The following ASMTL variants were observed in gnomAD, a reference collection of about 807,000 sequenced individuals.
ASMTL encodes the protein acetylserotonin O-methyltransferase like.
In ASMTL, 57 loss-of-function variants were observed where a neutral mutation model predicts 60.3. That is an observed-to-expected ratio of 0.95 (90% CI 0.76 to 1.18). The LOEUF (loss-of-function observed/expected upper bound fraction) is 1.18. ASMTL is among the 50% of genes most tolerant of loss of function. The pLI is 0.00. For synonymous variants in ASMTL, 419 were observed against 373.0 expected (o/e 1.12, Z -1.42); for missense variants, 981 against 852.6 (o/e 1.15, Z -1.88).
chrX:1,403,646 G>A, intron 12 of ASMTL, 157 bp from the exon 13 acceptor site: 1 of 640,384 alleles, frequency 1.6e-6, no homozygotes, highest in South Asian at 1.8e-5. Context: ...GGAGGGGAGA[G>A]AGACAGAGAC....
intron 1 of ASMTL, among the ~76,000 whole-genome samples, chrX:1,449,995 G>A (rs370469308): frequency 4.6e-4 from 46 of 100,742 alleles, no homozygotes; most frequent in African/African-American, 1.5e-3. Context: ...CGGTAACTAC[G>A]CCCCATCACC....
intron 7 of ASMTL, 135 bp from the exon 8 acceptor site, chrX:1,425,822 G>A (rs1329684441): frequency 2.4e-6 from 2 of 838,342 alleles, no homozygotes; most frequent in African/African-American, 3.4e-5. Flanking sequence ...ACAGAGAACG[G>A]TGGGGATTTA....
At chrX:1,421,166 C>T (rs5949033) in intron 9 of ASMTL, among the ~76,000 whole-genome samples, 143,009 of 151,870 alleles carry the variant, frequency 0.94, 67,722 homozygotes, top group East Asian at 1. Context: ...GGTTTCAGCA[C>T]GTTGGCCAGG....
intron 11 of ASMTL, among the ~76,000 whole-genome samples, chrX:1,417,258 C>A (rs1202372911): frequency 6.0e-5 from 9 of 150,442 alleles, no homozygotes; most frequent in Non-Finnish European, 1.3e-4. Flanking sequence ...ACACACACAC[C>A]TACCAGCACA....
At chrX:1,418,151 T>TCGTC in intron 10 of ASMTL, 35 bp from the exon 11 acceptor site, 1 of 1,562,906 alleles carries the variant, frequency 6.4e-7, no homozygotes, top group Non-Finnish European at 8.7e-7. Context: ...TGTGGCTGGG[T>TCGTC]CGTCTATGGA....
rs771907832 is a variant in ASMTL at position 1,448,871 on chromosome X, C to T, written c.93+3877G>A. 2.8e-4 allele frequency among the ~76,000 whole-genome samples: 42 copies of T among 152,186 alleles called. 1 individual carries two copies. Among genetic ancestry groups the T allele is most frequent in the South Asian group, 1.5e-3 (7 of 4,818 alleles). ...CTTTGACACACACCACCATCTTGGA[C>T]ACACACCGCCATCTTGGACAAGCAT... On this transcript the variant is annotated intron_variant, in intron 1 of 12. Coordinates refer to ENST00000381317, the MANE Select transcript of ASMTL (RefSeq NM_004192.4).
intron 12 of ASMTL, among the ~76,000 whole-genome samples, chrX:1,405,209 GATGA>G (rs1163911019): frequency 6.5e-4 from 80 of 123,888 alleles, no homozygotes; most frequent in Non-Finnish European, 1.3e-3. Context: ...TACGTAGATA[GATGA>G]ATGGATGGAT....
intron 12 of ASMTL, among the ~76,000 whole-genome samples, chrX:1,406,713 G>A (rs1357398463): frequency 6.6e-6 from 1 of 151,580 alleles, no homozygotes; most frequent in African/African-American, 2.4e-5. Flanking sequence ...ATGCATGCAT[G>A]AGATGGATGG....
chrX:1,425,557 GCA>G lies in ASMTL; in HGVS notation c.1026_1027del (p.Ala343CysfsTer14), dbSNP rs2090592849. ...TGTCTTCTCCAGGAGCCCCATGGCA[GCA>G]CAGATGTCCAGAAGCCTCTCCATTC... On this transcript the variant is annotated frameshift_variant, in exon 8 of 13. Transcript: ENST00000381317. LOFTEE classifies it high-confidence loss of function. The G allele has an allele frequency of 1.9e-6, 3 of 1,613,242 alleles. No individual in the cohort carries two copies. The highest frequency in any genetic ancestry group is 1.7e-5 in the Admixed American group (1 of 59,972).
chrX:1,416,508 C>A, intron 11 of ASMTL, among the ~76,000 whole-genome samples: 2 of 150,698 alleles, frequency 1.3e-5, no homozygotes, highest in Admixed American at 1.3e-4. Flanking sequence ...CACACACACA[C>A]GGATGCAGAC....
chrX:1,416,184 C>T (rs1468615511), intron 11 of ASMTL, among the ~76,000 whole-genome samples: 3 of 147,094 alleles, frequency 2.0e-5, no homozygotes, highest in African/African-American at 5.4e-5. Context: ...GCGACAGGCA[C>T]ACACAGACGC....
chrX:1,430,853 T>C (rs1200663771), intron 6 of ASMTL, among the ~76,000 whole-genome samples: 4 of 145,012 alleles, frequency 2.8e-5, no homozygotes, highest in East Asian at 2.0e-4. Flanking sequence ...CATATATTTA[T>C]ATATTTATAT....
At position 1,418,091 on chromosome X, in the gene ASMTL, CTCTCGGGCCAGT is replaced by C; in HGVS notation, c.1392_1403del (p.Leu469_Glu472del). Reference sequence around the variant, plus strand: ...GCATACGAGGGTACTCACGGGCCAGCTCTCGGGCCAGTGCACCCGTGCAGCCTGCGGGGAAGC... The same window carrying C: ...GCATACGAGGGTACTCACGGGCCAGCGCACCCGTGCAGCCTGCGGGGAAGC... On this transcript the variant is annotated inframe_deletion, in exon 11 of 13. Coordinates refer to ENST00000381317, the MANE Select transcript of ASMTL (RefSeq NM_004192.4). 1.2e-6 allele frequency: 2 copies of C among 1,611,048 alleles called. No individual in the cohort carries two copies. The highest frequency in any genetic ancestry group is 1.7e-5 in the Admixed American group (1 of 59,774).
chrX:1,407,049 GATGGATGGATGGATGCATGC>G (rs1569530919), intron 12 of ASMTL, among the ~76,000 whole-genome samples: 2 of 149,194 alleles, frequency 1.3e-5, no homozygotes, highest in Non-Finnish European at 3.0e-5. Flanking sequence ...TAGGTAGATG[GATGGATGGATGGATGCATGC>G]ATGGATGAGA....
intron 8 of ASMTL, among the ~76,000 whole-genome samples, chrX:1,423,816 C>G (rs1212054268): frequency 3.1e-4 from 47 of 150,356 alleles, no homozygotes; most frequent in African/African-American, 9.3e-4. Context: ...ATCCACCCAG[C>G]CATGCACCCA....
chrX:1,423,699 T>G (rs1226137967), intron 8 of ASMTL, among the ~76,000 whole-genome samples: 1 of 145,354 alleles, frequency 6.9e-6, no homozygotes. Context: ...CATCCATCCA[T>G]TCCCCCACCC....
At chrX:1,415,820 G>A (rs1160329054) in intron 11 of ASMTL, among the ~76,000 whole-genome samples, 2 of 152,116 alleles carry the variant, frequency 1.3e-5, no homozygotes, top group Admixed American at 6.6e-5. Context: ...AGAGAGACAC[G>A]CACAGGCAGA....
At chrX:1,419,489 G>A (rs377100251) in intron 9 of ASMTL, among the ~76,000 whole-genome samples, 77 of 152,248 alleles carry the variant, frequency 5.1e-4, no homozygotes, top group African/African-American at 1.7e-3. Flanking sequence ...CAATGTCTCT[G>A]CAGGTGCCCC....
At position 1,403,415 on chromosome X, in the gene ASMTL, G is replaced by A. The variant is rs746820737; in HGVS notation, c.1720C>T (p.Leu574=). 1 of 1,613,438 alleles carries A rather than the reference G, an allele frequency of 6.2e-7. No homozygotes were observed. Among genetic ancestry groups the A allele is most frequent in the African/African-American group, 1.3e-5 (1 of 75,064 alleles). Residue 574 remains leucine (L), a synonymous_variant, in exon 13 of 13, where the codon CTG becomes TTG. Coordinates refer to ENST00000381317, the MANE Select transcript of ASMTL (RefSeq NM_004192.4). ...RVAQRALMQS[L]NMLVQTEGKE... ...CCTTCAGTCTGCACCAGCATGTTCA[G>A]TGACTGCATCAGGGCGCGCTGCGCC...
Sources: gnomAD v4.1 joint callset for allele counts (sites outside exome capture counted in the v4.1 genomes callset) on GRCh38, gnomAD v4.1.1 for gene constraint, MANE v1.5 for transcripts, NCBI Gene and HGNC (gene_info 2026-07-23, HGNC 2026-07-21) for gene names.